The following TRAF3IP1 variants were observed in gnomAD, a reference collection of about 807,000 sequenced individuals.
TRAF3IP1 encodes the protein TRAF3-interacting protein 1.
A neutral mutation model predicts 89.9 loss-of-function variants in TRAF3IP1; 53 were observed. The ratio of observed to expected loss-of-function variants is 0.59; its 90% CI spans 0.47 to 0.74. The LOEUF is 0.74. Among genes scored for constraint, TRAF3IP1 ranks in the 30% least tolerant of loss-of-function variants. TRAF3IP1 has a pLI of 0.00. For synonymous variants in TRAF3IP1, 311 were observed against 322.1 expected (o/e 0.97, Z 0.37); for missense variants, 806 against 866.1 (o/e 0.93, Z 0.87).
At chr2:238,343,016 A>T (rs1698728465) in intron 8 of TRAF3IP1, among the ~76,000 whole-genome samples, 1 of 151,670 alleles carries the variant, frequency 6.6e-6, no homozygotes, top group Non-Finnish European at 1.5e-5. Flanking sequence ...AGGTCCTTTG[A>T]CTGAAGCTAG....
chr2:238,393,439 T>C (rs563942769), intron 15 of TRAF3IP1, among the ~76,000 whole-genome samples: 1 of 152,354 alleles, frequency 6.6e-6, no homozygotes, highest in South Asian at 2.1e-4. Context: ...AAGTCCTTTA[T>C]TGGATGTGTG....
Position 238,320,523 on chromosome 2 carries a change from G to T in TRAF3IP1, c.-140G>T. ...GCGCTGTGGTGGGCTCCGGTGCACT[G>T]TGGGATGGAAACCGGAGCGGCGCGT... On this transcript the variant is annotated 5_prime_UTR_variant, in exon 1 of 17. Transcript: ENST00000373327. 1.0e-6 allele frequency: 1 copy of T among 1,000,366 alleles called. No individual in the cohort carries two copies. 62.0% of individuals were successfully genotyped at this position (1,000,366 alleles called of 1,614,324 possible). A position where few individuals can be genotyped will look rare whatever the true frequency, so the allele number is the denominator to read the frequency against.
intron 12 of TRAF3IP1, 30 bp from the exon 13 acceptor site, chr2:238,352,797 T>C (rs1229033326): frequency 2.5e-6 from 4 of 1,585,938 alleles, no homozygotes; most frequent in Admixed American, 1.9e-5. Context: ...AATGTGTAAT[T>C]CTAATTTAAT....
intron 15 of TRAF3IP1, among the ~76,000 whole-genome samples, chr2:238,365,623 A>C (rs1346402492): frequency 6.6e-6 from 1 of 152,082 alleles, no homozygotes; most frequent in Non-Finnish European, 1.5e-5. Context: ...GCGCCACTGC[A>C]CTCCAGACTG....
chr2:238,353,082 TTTG>T (rs1178030402), intron 13 of TRAF3IP1, 88 bp from the exon 14 acceptor site: 2 of 1,573,232 alleles, frequency 1.3e-6, no homozygotes, highest in East Asian at 2.3e-5. Flanking sequence ...CTTCGTTAAT[TTTG>T]TTGTTCTTTT....
chr2:238,395,476 G>A (rs961894623), intron 15 of TRAF3IP1, among the ~76,000 whole-genome samples: 8 of 152,082 alleles, frequency 5.3e-5, no homozygotes, highest in Non-Finnish European at 1.0e-4. Flanking sequence ...ACATGGGCAA[G>A]GACTTCATGT....
rs201854804 is a variant in TRAF3IP1 at position 238,349,393 on chromosome 2, C to T, written c.1436C>T (p.Ala479Val). ...GTCAAACGGCAAGACAGCATGGAGG[C>T]GCTACAAATGGATAGGTAAGGCTGG... is the stretch of plus-strand genomic sequence containing the variant. ...PRVKRQDSME[A>V]LQMDRSGSGK... The change falls in exon 12 of 17, where the codon GCG becomes GTG. Residue 479 changes from alanine to valine, a missense_variant. Ala to Val is a moderately conservative substitution (Grantham distance 64). This residue lies in a region of TRAF3IP1 where 732 missense variants were observed against 780.5 expected (regional missense o/e 0.94). Transcript: ENST00000373327. 6.9e-5 allele frequency: 112 copies of T among 1,614,048 alleles called. No individual in the cohort carries two copies. The highest frequency in any genetic ancestry group is 3.3e-4 in the Middle Eastern group (2 of 6,058).
In TRAF3IP1 at chr2:238,365,026, G is replaced by A. The variant is rs75539462; in HGVS notation, c.1689+8946G>A. ...CTTGTATCTTGAAATGCCTCTTGAT[G>A]GATACAATGACCTTATCGTGAACAA... On this transcript the variant is annotated intron_variant, in intron 15 of 16. Transcript: ENST00000373327. Among the ~76,000 whole-genome samples, 3 of 152,288 alleles carry A rather than the reference G, an allele frequency of 2.0e-5. No individual in the cohort carries two copies. The East Asian group carries it at 5.8e-4, about 29-fold the overall frequency.
intron 15 of TRAF3IP1, among the ~76,000 whole-genome samples, chr2:238,377,764 T>C (rs1700379617): frequency 1.3e-5 from 2 of 152,208 alleles, no homozygotes; most frequent in African/African-American, 4.8e-5. Context: ...TGTATATGAT[T>C]GGAATGTATT....
At chr2:238,391,947 T>C (rs1358319253) in intron 15 of TRAF3IP1, among the ~76,000 whole-genome samples, 1 of 152,236 alleles carries the variant, frequency 6.6e-6, no homozygotes, top group African/African-American at 2.4e-5. Context: ...ACAATATATT[T>C]TTCTCTTGGG....
intron 15 of TRAF3IP1, among the ~76,000 whole-genome samples, chr2:238,378,590 A>T (rs1049741525): frequency 1.3e-5 from 2 of 152,236 alleles, no homozygotes; most frequent in African/African-American, 4.8e-5. Flanking sequence ...TCTCTATATT[A>T]AAGTGGAATT....
chr2:238,392,629 A>G (rs536636458), intron 15 of TRAF3IP1, among the ~76,000 whole-genome samples: 49 of 151,726 alleles, frequency 3.2e-4, no homozygotes, highest in South Asian at 1.5e-3. Context: ...CTGGAGTGCA[A>G]TGGCGTGATC....
intron 8 of TRAF3IP1, among the ~76,000 whole-genome samples, chr2:238,341,615 C>T (rs975208821): frequency 2.6e-5 from 4 of 151,496 alleles, no homozygotes; most frequent in African/African-American, 4.9e-5. Flanking sequence ...GAACACTGGC[C>T]GAATGATGGA....
chr2:238,334,957 A>C (rs528239230), intron 7 of TRAF3IP1, among the ~76,000 whole-genome samples: 126 of 152,216 alleles, frequency 8.3e-4, no homozygotes, highest in African/African-American at 3.0e-3. Flanking sequence ...AAAAACAAAA[A>C]CGTTGATGAC....
chr2:238,381,689 C>T (rs1318251933), intron 15 of TRAF3IP1, among the ~76,000 whole-genome samples: 1 of 152,188 alleles, frequency 6.6e-6, no homozygotes, highest in Non-Finnish European at 1.5e-5. Flanking sequence ...TGGGTATAAA[C>T]ATTCATTTGC....
intron 9 of TRAF3IP1, 170 bp downstream of exon 9, chr2:238,344,768 A>G (rs979291873): frequency 1.3e-5 from 9 of 703,630 alleles, no homozygotes; most frequent in Non-Finnish European, 2.3e-5. Context: ...AGAATCGAAC[A>G]TGGTGGTTTC....
chr2:238,378,202 C>G (rs1700400688), intron 15 of TRAF3IP1, among the ~76,000 whole-genome samples: 1 of 151,596 alleles, frequency 6.6e-6, no homozygotes, highest in South Asian at 2.1e-4. Flanking sequence ...TTTAAATTTT[C>G]TTCCTTCTCT....
At chr2:238,330,435 G>A (rs1698064218) in intron 5 of TRAF3IP1, among the ~76,000 whole-genome samples, 1 of 152,310 alleles carries the variant, frequency 6.6e-6, no homozygotes, top group African/African-American at 2.4e-5. Context: ...ATGTCAAATT[G>A]TAAAGCATCC....
rs1698004314 is a variant in TRAF3IP1 at position 238,329,268 on chromosome 2, A to C, written c.841A>C (p.Arg281=). ...RDKGKDRDRR[R]VKNGEHSWDL... is the part of the protein sequence containing the mutation. Reference sequence around the variant, plus strand: ...CAAAGGGAAGGACAGGGACAGACGGAGAGTGAAAAACGGGGAGCACTCCTG... The same window carrying C: ...CAAAGGGAAGGACAGGGACAGACGGCGAGTGAAAAACGGGGAGCACTCCTG... The change falls in exon 5 of 17, where the codon AGA becomes CGA. Residue 281 remains arginine, a synonymous_variant. Coordinates refer to ENST00000373327, the MANE Select transcript of TRAF3IP1 (RefSeq NM_015650.4). 9 of 1,496,220 alleles carry C rather than the reference A, an allele frequency of 6.0e-6. No individual in the cohort carries two copies. Among genetic ancestry groups the C allele is most frequent in the Non-Finnish European group, 7.1e-6 (8 of 1,124,422 alleles). The allele number at this position is 1,496,220 out of a possible 1,614,324, so 92.7% of individuals were successfully genotyped here.
Sources: allele counts gnomAD v4.1 joint callset (sites outside exome capture counted in the v4.1 genomes callset), GRCh38; gene constraint gnomAD v4.1.1; regional missense constraint gnomAD v4.1.1; transcripts MANE v1.5; gene names NCBI Gene and HGNC (gene_info 2026-07-23, HGNC 2026-07-21).